The following OTOA variants were observed in gnomAD, a reference collection of about 807,000 sequenced individuals.
OTOA encodes cancer/testis antigen 108.
A neutral mutation model predicts 110.8 loss-of-function variants in OTOA; 70 were observed. That is an observed-to-expected ratio of 0.63 (90% CI 0.52 to 0.77). The LOEUF (loss-of-function observed/expected upper bound fraction) is 0.77, where lower values mean the gene tolerates loss of function less well. OTOA is among the 30% of genes least tolerant of loss of function. The probability of loss-of-function intolerance (pLI) is 0.00; values close to 1 mark genes in which losing one functional copy is unlikely to be tolerated. For synonymous variants in OTOA, 373 were observed against 431.5 expected, an observed-to-expected ratio of 0.86 and a Z score of 1.68; for missense variants, 917 against 1,075.8, an observed-to-expected ratio of 0.85 and a Z score of 2.06.
At chr16:21,669,081 T>G (rs1966845760) in intron 1 of OTOA, among the ~76,000 whole-genome samples, 1 of 151,884 alleles carries the variant, frequency 6.6e-6, no homozygotes, top group Non-Finnish European at 1.5e-5. Flanking sequence ...TGGGATTACA[T>G]GCCTGTAATC....
chr16:21,714,498 C>CTT (rs1567384760), intron 13 of OTOA, among the ~76,000 whole-genome samples: 2,710 of 120,824 alleles, frequency 0.022, 31 homozygotes, highest in East Asian at 0.044. Flanking sequence ...CTCTCTCTCT[C>CTT]TCTTTCTTTC....
In OTOA at chr16:21,728,237, T is replaced by C; in HGVS notation, c.2017-4T>C. On this transcript the variant is annotated splice_polypyrimidine_tract_variant and splice_region_variant and intron_variant, in intron 19 of 28. Transcript: ENST00000646100. Reference sequence around the variant, plus strand: ...TGCCCATTGGCTCCACTTTTTGGGTTCAGGACGACTCCATTGCTGATGAGT... The same window carrying C: ...TGCCCATTGGCTCCACTTTTTGGGTCCAGGACGACTCCATTGCTGATGAGT... The C allele has an allele frequency of 6.2e-7, 1 of 1,614,138 alleles. No individual in the cohort carries two copies. The highest frequency in any genetic ancestry group is 8.5e-7 in the Non-Finnish European group (1 of 1,179,996).
At chr16:21,682,017 A>C (rs1966900884) in intron 6 of OTOA, among the ~76,000 whole-genome samples, 192 bp downstream of exon 6, 2 of 152,150 alleles carry the variant, frequency 1.3e-5, no homozygotes, top group Non-Finnish European at 2.9e-5. Flanking sequence ...CCCACCTTTG[A>C]TGGAGACATG....
At chr16:21,696,705 G>T (rs1897947590) in intron 9 of OTOA, among the ~76,000 whole-genome samples, 1 of 151,954 alleles carries the variant, frequency 6.6e-6, no homozygotes, top group African/African-American at 2.4e-5. Flanking sequence ...AAGTAGCTGG[G>T]ATTACACCTG....
intron 6 of OTOA, among the ~76,000 whole-genome samples, chr16:21,683,230 G>A (rs1019552045): frequency 6.6e-6 from 1 of 152,146 alleles, no homozygotes; most frequent in African/African-American, 2.4e-5. Context: ...GGTCAAGATA[G>A]AGAATAATAG....
At chr16:21,679,786 A>C (rs2141653631) in intron 5 of OTOA, among the ~76,000 whole-genome samples, 1 of 152,252 alleles carries the variant, frequency 6.6e-6, no homozygotes, top group East Asian at 1.9e-4. Flanking sequence ...TAATCCTCAC[A>C]AGTGCCACAC....
At chr16:21,666,532 G>A (rs966081858) in intron 1 of OTOA, among the ~76,000 whole-genome samples, 1 of 152,138 alleles carries the variant, frequency 6.6e-6, no homozygotes, top group African/African-American at 2.4e-5. Flanking sequence ...TGAGTCCTGG[G>A]AAACCTTTTG....
chr16:21,708,484 T>A (rs892150623), intron 12 of OTOA, among the ~76,000 whole-genome samples: 2 of 152,024 alleles, frequency 1.3e-5, no homozygotes, highest in Non-Finnish European at 2.9e-5. Flanking sequence ...CCCCACCCAG[T>A]CTCTGATTCA....
intron 22 of OTOA, 71 bp downstream of exon 22, chr16:21,736,461 C>T: frequency 1.3e-6 from 2 of 1,551,372 alleles, no homozygotes; most frequent in Non-Finnish European, 1.8e-6. Flanking sequence ...TCCCTGACAT[C>T]AAGAGGCCTC....
rs532957225 is a variant in OTOA, at chr16:21,720,399, T to A, written c.1806+895T>A. Among the ~76,000 whole-genome samples the A allele has an allele frequency of 2.6e-5, 4 of 152,348 alleles. No homozygotes were observed. In the East Asian group the frequency reaches 7.7e-4, roughly 29 times the overall value. On this transcript the variant is annotated intron_variant, in intron 17 of 28. Coordinates refer to ENST00000646100, the MANE Select transcript of OTOA (RefSeq NM_144672.4). ...TCTGGCCTTGTGTTTCAGACCAGAA[T>A]GAAGAATTTCCAAAGAGTAAATTAT...
At chr16:21,698,856 C>A (rs2141673624) in intron 10 of OTOA, among the ~76,000 whole-genome samples, 1 of 152,254 alleles carries the variant, frequency 6.6e-6, no homozygotes, top group African/African-American at 2.4e-5. Flanking sequence ...GAGGAAATTT[C>A]TAAGGTCAAG....
chr16:21,715,136 A>C lies in OTOA; in HGVS notation c.1472A>C (p.Gln491Pro), dbSNP rs1404729951. 1.2e-6 allele frequency: 2 copies of C among 1,614,188 alleles called. No homozygotes were observed. The stretch of plus-strand genomic sequence containing the variant: ...TCCGACTTGTCACCTGCCCAGCAGC[A>C]AGGTATCCTCAGCAAGGTGAGAGGA... ...YVSDLSPAQQ[Q>P]GILSKMVQAE... The change falls in exon 14 of 29, where the codon CAA becomes CCA. Residue 491 changes from glutamine to proline, a missense_variant. By Grantham distance (76) the Gln-to-Pro change is moderately conservative. Coordinates refer to ENST00000646100, the MANE Select transcript of OTOA (RefSeq NM_144672.4).
At chr16:21,702,868 G>A (rs1898080060) in intron 11 of OTOA, among the ~76,000 whole-genome samples, 1 of 152,106 alleles carries the variant, frequency 6.6e-6, no homozygotes, top group Non-Finnish European at 1.5e-5. Context: ...TAGAGACGGG[G>A]TTTCACCATG....
At chr16:21,682,176 T>A (rs1358537164) in intron 6 of OTOA, among the ~76,000 whole-genome samples, 2 of 152,230 alleles carry the variant, frequency 1.3e-5, no homozygotes, top group Non-Finnish European at 2.9e-5. Context: ...CATGAGGTTA[T>A]CCAAGGACCC....
chr16:21,684,784 G>A lies in OTOA; in HGVS notation c.268-446G>A, dbSNP rs537213727. Among the ~76,000 whole-genome samples, 16 of 148,968 alleles carry A rather than the reference G, an allele frequency of 1.1e-4. No homozygotes were observed. The South Asian group carries it at 3.0e-3, about 28-fold the overall frequency. The stretch of plus-strand genomic sequence containing the variant: ...ATTATTATTTTTTAGGTGGAGTCTC[G>A]CTCTGTCACCAGGCTGGAGTGCAGT... On this transcript the variant is annotated intron_variant, in intron 6 of 28. Coordinates refer to ENST00000646100, the MANE Select transcript of OTOA (RefSeq NM_144672.4).
At position 21,717,420 on chromosome 16, in the gene OTOA, G is replaced by A. The variant is rs967151500; in HGVS notation, c.1629+373G>A. ...CATGCTACTCCACTCCAGTCTGGGC[G>A]ACAGAGCGAGACCCTGTCTCTTAAA... On this transcript the variant is annotated intron_variant, in intron 15 of 28. Transcript: ENST00000646100. 3.3e-5 allele frequency among the ~76,000 whole-genome samples: 5 copies of A among 152,112 alleles called. No homozygotes were observed. In the South Asian group the frequency reaches 6.2e-4, roughly 19 times the overall value.
intron 1 of OTOA, among the ~76,000 whole-genome samples, chr16:21,677,178 C>T (rs1966859686): frequency 6.6e-6 from 1 of 152,108 alleles, no homozygotes; most frequent in Non-Finnish European, 1.5e-5. Context: ...TTTGTGTAGA[C>T]ATGTTTTCAT....
rs1983523 is a variant in OTOA at position 21,695,232 on chromosome 16, C to G, written c.740-2543C>G. On this transcript the variant is annotated intron_variant, in intron 9 of 28. Coordinates refer to ENST00000646100, the MANE Select transcript of OTOA (RefSeq NM_144672.4). Reference sequence around the variant, plus strand: ...CTGGGCAATGTAGTGAGACCCCCCCCCCCCATACAAAAAAATTAAAAGATT... The same window carrying G: ...CTGGGCAATGTAGTGAGACCCCCCCGCCCCATACAAAAAAATTAAAAGATT... Among the ~76,000 whole-genome samples the G allele has an allele frequency of 6.3e-4, 92 of 146,568 alleles. 1 individual carries two copies. Among genetic ancestry groups the G allele is most frequent in the East Asian group, 3.6e-3 (17 of 4,762 alleles).
chr16:21,715,273 C>G, intron 14 of OTOA, 121 bp downstream of exon 14: 1 of 1,367,128 alleles, frequency 7.3e-7, no homozygotes, highest in East Asian at 2.3e-5. Flanking sequence ...CTGTTGGTGT[C>G]TGGGGTGGCT....
Sources: gnomAD v4.1 joint callset for allele counts (sites outside exome capture counted in the v4.1 genomes callset) on GRCh38, gnomAD v4.1.1 for gene constraint, MANE v1.5 for transcripts, NCBI Gene and HGNC (gene_info 2026-07-23, HGNC 2026-07-21) for gene names.